The following DENND1A variants were observed in gnomAD, a reference collection of about 807,000 sequenced individuals.
The protein encoded by DENND1A is DENN domain-containing protein 1A.
DENND1A carries 51 observed loss-of-function variants against 113.7 expected under a neutral mutation model. That is an observed-to-expected ratio of 0.45 (90% CI 0.36 to 0.57). The LOEUF (loss-of-function observed/expected upper bound fraction) is 0.57, where lower values mean the gene tolerates loss of function less well. Among genes scored for constraint, DENND1A ranks in the 20% least tolerant of loss-of-function variants. The pLI is 0.00. For missense variants in DENND1A, 1,258 were observed against 1,395.9 expected (o/e 0.90, Z 1.57); for synonymous variants, 565 against 570.8 (o/e 0.99, Z 0.14).
intron 1 of DENND1A, among the ~76,000 whole-genome samples, chr9:123,903,817 G>C (rs948918572): frequency 4.6e-5 from 7 of 152,172 alleles, no homozygotes; most frequent in African/African-American, 1.7e-4. Context: ...CATTGCCCAG[G>C]CTTGCTTAGG....
At chr9:123,704,050 C>A (rs1341757686) in intron 5 of DENND1A, among the ~76,000 whole-genome samples, 1 of 151,794 alleles carries the variant, frequency 6.6e-6, no homozygotes, top group African/African-American at 2.4e-5. Flanking sequence ...ACCCTCCCAA[C>A]TGATACAATT....
At chr9:123,606,189 A>T (rs1294358723) in intron 11 of DENND1A, among the ~76,000 whole-genome samples, 1 of 152,202 alleles carries the variant, frequency 6.6e-6, no homozygotes, top group Non-Finnish European at 1.5e-5. Flanking sequence ...AATTCCAGGG[A>T]GGAGGTCAGG....
At chr9:123,487,744 G>A (rs569500559) in intron 13 of DENND1A, among the ~76,000 whole-genome samples, 3 of 152,296 alleles carry the variant, frequency 2.0e-5, no homozygotes, top group Admixed American at 2.0e-4. Context: ...AAAAAAAGAG[G>A]GGGGCTGGGG....
intron 15 of DENND1A, among the ~76,000 whole-genome samples, chr9:123,455,893 A>G (rs1024509079): frequency 6.6e-6 from 1 of 152,206 alleles, no homozygotes; most frequent in African/African-American, 2.4e-5. Flanking sequence ...GGATTAACAC[A>G]GCCCTAGTCT....
chr9:123,518,927 A>T (rs2054160072), intron 13 of DENND1A, among the ~76,000 whole-genome samples: 1 of 152,030 alleles, frequency 6.6e-6, no homozygotes, highest in Non-Finnish European at 1.5e-5. Context: ...ATAAAACCCA[A>T]ACTCCTTTCT....
At chr9:123,459,354 T>C (rs568571209) in intron 13 of DENND1A, among the ~76,000 whole-genome samples, 23 of 152,336 alleles carry the variant, frequency 1.5e-4, no homozygotes, top group African/African-American at 5.5e-4. Flanking sequence ...CTGTGGGACA[T>C]ACTTTGAAAA....
intron 17 of DENND1A, 138 bp downstream of exon 17, chr9:123,452,138 G>A: frequency 1.4e-6 from 1 of 738,368 alleles, no homozygotes; most frequent in Non-Finnish European, 2.3e-6. Flanking sequence ...AGGCCTCAGT[G>A]AGCTGTGATT....
intron 13 of DENND1A, among the ~76,000 whole-genome samples, chr9:123,526,488 C>G (rs1259751779): frequency 6.6e-6 from 1 of 152,214 alleles, no homozygotes; most frequent in African/African-American, 2.4e-5. Flanking sequence ...CTTCCCTCAG[C>G]CCTACATGAC....
intron 13 of DENND1A, among the ~76,000 whole-genome samples, chr9:123,505,328 C>T (rs989482672): frequency 2.0e-5 from 3 of 152,152 alleles, no homozygotes; most frequent in African/African-American, 7.2e-5. Flanking sequence ...AACAGATATA[C>T]CTTGGAGAAG....
intron 2 of DENND1A, among the ~76,000 whole-genome samples, chr9:123,812,741 A>G (rs1290105807): frequency 1.3e-5 from 2 of 152,052 alleles, no homozygotes; most frequent in African/African-American, 2.4e-5. Flanking sequence ...ACTTGGATTT[A>G]TTATTTTATT....
intron 11 of DENND1A, among the ~76,000 whole-genome samples, chr9:123,588,768 A>C (rs1000738648): frequency 2.2e-5 from 3 of 133,598 alleles, no homozygotes; most frequent in African/African-American, 5.8e-5. Context: ...AAATAATTCT[A>C]TTTTGTTTTT....
chr9:123,545,463 G>A (rs74578582), intron 13 of DENND1A, among the ~76,000 whole-genome samples: 3 of 151,584 alleles, frequency 2.0e-5, no homozygotes, highest in Non-Finnish European at 4.4e-5. Context: ...AAGATCTCCT[G>A]TCTCCTGTTC....
intron 13 of DENND1A, among the ~76,000 whole-genome samples, chr9:123,526,934 A>G (rs985377599): frequency 2.6e-5 from 4 of 152,184 alleles, no homozygotes; most frequent in Non-Finnish European, 4.4e-5. Context: ...ATTCTCATTC[A>G]AAGCTGCCCA....
intron 10 of DENND1A, among the ~76,000 whole-genome samples, chr9:123,613,375 A>T (rs554225884): frequency 6.6e-6 from 1 of 152,298 alleles, no homozygotes; most frequent in East Asian, 1.9e-4. Flanking sequence ...TCAGAATCCA[A>T]CACATCTGAA....
rs2136318200 is a variant in DENND1A, at chr9:123,570,165, T to A, written c.868-12470A>T. On this transcript the variant is annotated intron_variant, in intron 12 of 23. Transcript: ENST00000394215. ...TTTCTCAAGTGTTTCCATGTCCCCATGGCTCAATACACTGAGCATACACCC... is the reference window on the plus strand; with the variant it reads ...TTTCTCAAGTGTTTCCATGTCCCCAAGGCTCAATACACTGAGCATACACCC... 2.0e-5 allele frequency among the ~76,000 whole-genome samples: 3 copies of A among 152,290 alleles called. No individual in the cohort carries two copies. In the South Asian group the frequency reaches 6.2e-4, roughly 32 times the overall value.
Position 123,381,629 on chromosome 9 carries a change from C to T in DENND1A, c.3016G>A (p.Gly1006Arg), listed in dbSNP as rs751624191. The change falls in exon 24 of 24, where the codon GGA becomes AGA. Residue 1006 changes from glycine to arginine, a missense_variant. By Grantham distance (125) the Gly-to-Arg change is moderately radical. Coordinates refer to ENST00000394215, the MANE Select transcript of DENND1A (RefSeq NM_001352964.2). The surrounding 1 kb of genome is among the most constrained non-coding windows in gnomAD (Gnocchi z 4.7). ...CTGGGAGGCAGAAGCGGGGGGTCTC[C>T]AGGCCTCAGGGCCAGCCCCTGCTTG... ...ETKQGLALRP[G>R]DPPLLPPRPP... 1.8e-5 allele frequency: 29 copies of T among 1,611,696 alleles called. No homozygotes were observed. The highest frequency in any genetic ancestry group is 2.4e-5 in the Non-Finnish European group (28 of 1,179,360).
At chr9:123,874,633 TAAAC>T (rs1263295769) in intron 2 of DENND1A, among the ~76,000 whole-genome samples, 1 of 151,988 alleles carries the variant, frequency 6.6e-6, no homozygotes. Flanking sequence ...CTCTAACTAA[TAAAC>T]AAACAAATAA....
intron 1 of DENND1A, among the ~76,000 whole-genome samples, chr9:123,882,837 C>G (rs774040633): frequency 3.3e-5 from 5 of 152,194 alleles, no homozygotes; most frequent in Non-Finnish European, 4.4e-5. Context: ...TTGAACTGTA[C>G]ACTTGAACGT....
At chr9:123,881,351 T>C (rs1371267581) in intron 1 of DENND1A, among the ~76,000 whole-genome samples, 1 of 152,150 alleles carries the variant, frequency 6.6e-6, no homozygotes, top group Non-Finnish European at 1.5e-5. Flanking sequence ...AGGTAGAACA[T>C]TTGATGAAAG....
Sources: gnomAD v4.1 joint callset for allele counts (sites outside exome capture counted in the v4.1 genomes callset) on GRCh38, gnomAD v4.1.1 for gene constraint, Gnocchi (gnomAD v3.1) non-coding constraint, MANE v1.5 for transcripts, NCBI Gene and HGNC (gene_info 2026-07-23, HGNC 2026-07-21) for gene names.